The following KLHL2 variants were observed in gnomAD, a reference collection of about 807,000 sequenced individuals.
KLHL2 encodes kelch-like protein 2.
Under a neutral mutation model 75.8 loss-of-function variants are expected in KLHL2, and 15 were observed. The observed-to-expected ratio is 0.20, with a 90% CI of 0.13 to 0.30. The LOEUF (loss-of-function observed/expected upper bound fraction) is 0.30, where lower values mean the gene tolerates loss of function less well. KLHL2 is among the 10% of genes least tolerant of loss of function. The pLI is 1.00. For missense variants in KLHL2, 381 were observed against 741.0 expected (o/e 0.51, Z 5.64); for synonymous variants, 214 against 251.9 (o/e 0.85, Z 1.42).
chr4:165,251,917 G>GT (rs1366276850), intron 4 of KLHL2, among the ~76,000 whole-genome samples: 1 of 152,170 alleles, frequency 6.6e-6, no homozygotes, highest in Non-Finnish European at 1.5e-5. Context: ...CCCCAAAGTG[G>GT]TTTTTAAAAA....
intron 3 of KLHL2, among the ~76,000 whole-genome samples, chr4:165,236,503 C>T (rs751278211): frequency 1.1e-3 from 163 of 152,236 alleles, no homozygotes; most frequent in Non-Finnish European, 1.4e-3. Flanking sequence ...AGGAGTGAGC[C>T]ACAGCACCTG....
chr4:165,222,686 T>TA (rs998140348), intron 2 of KLHL2, among the ~76,000 whole-genome samples: 110 of 151,862 alleles, frequency 7.2e-4, no homozygotes, highest in African/African-American at 2.4e-3. Context: ...AGTAATTCTT[T>TA]AAAAAAAAAT....
At chr4:165,297,904 AC>A (rs1240017243) in intron 7 of KLHL2, among the ~76,000 whole-genome samples, 179 bp downstream of exon 7, 1 of 152,020 alleles carries the variant, frequency 6.6e-6, no homozygotes, top group Non-Finnish European at 1.5e-5. Flanking sequence ...GCTCTCCGCA[AC>A]CTCCACCTCC....
At chr4:165,240,031 A>G (rs1472572722) in intron 4 of KLHL2, among the ~76,000 whole-genome samples, 4 of 152,222 alleles carry the variant, frequency 2.6e-5, no homozygotes, top group Non-Finnish European at 4.4e-5. Context: ...AAACAGTGCA[A>G]TGAGTGAACA....
chr4:165,248,670 T>TA (rs1478676833), intron 4 of KLHL2, among the ~76,000 whole-genome samples: 3 of 152,186 alleles, frequency 2.0e-5, no homozygotes, highest in Non-Finnish European at 2.9e-5. Context: ...AGAGAAAAAT[T>TA]AGAGACAAGA....
rs191955094 is a variant in KLHL2 at position 165,301,512 on chromosome 4, G to C, written c.921+1856G>C. On this transcript the variant is annotated intron_variant, in intron 8 of 14. Coordinates refer to ENST00000226725, the MANE Select transcript of KLHL2 (RefSeq NM_007246.4). ...CCTCAGTATTCATGCCAGGTCTGCTGATTTTATATGTGTTTACATTTTTCA... is the reference window on the plus strand; with the variant it reads ...CCTCAGTATTCATGCCAGGTCTGCTCATTTTATATGTGTTTACATTTTTCA... Among the ~76,000 whole-genome samples the C allele has an allele frequency of 2.0e-5, 3 of 152,224 alleles. No homozygotes were observed. In the East Asian group the frequency reaches 5.8e-4, roughly 29 times the overall value.
In KLHL2 at chr4:165,213,399, T is replaced by C. The variant is rs35180362; in HGVS notation, c.26+5497T>C. Among the ~76,000 whole-genome samples the C allele has an allele frequency of 2.0e-5, 3 of 151,324 alleles. No individual in the cohort carries two copies. The East Asian group carries it at 5.8e-4, about 29-fold the overall frequency. On this transcript the variant is annotated intron_variant, in intron 1 of 14. Transcript: ENST00000226725. ...TTATCCTATATATCCAAGATCATCA[T>C]GTGCTTTTAAAACTCTCCCTTGTCC...
At chr4:165,235,382 G>T (rs1739253351) in intron 3 of KLHL2, among the ~76,000 whole-genome samples, 1 of 152,090 alleles carries the variant, frequency 6.6e-6, no homozygotes, top group Admixed American at 6.6e-5. Context: ...TGTATTTTTA[G>T]TAGAGATAGG....
At position 165,207,863 on chromosome 4, in the gene KLHL2, C is replaced by G. The variant is rs765056606; in HGVS notation, c.-14C>G. 2 of 1,450,502 alleles carry G rather than the reference C, an allele frequency of 1.4e-6. No homozygotes were observed. The highest frequency in any genetic ancestry group is 1.3e-5 in the South Asian group (1 of 77,148). The allele number at this position is 1,450,502 out of a possible 1,614,324, so 89.9% of individuals were successfully genotyped here. On this transcript the variant is annotated 5_prime_UTR_variant, in exon 1 of 15. Coordinates refer to ENST00000226725, the MANE Select transcript of KLHL2 (RefSeq NM_007246.4). This position sits in a 1 kb window ranked among gnomAD's most constrained non-coding sequence, Gnocchi z 4.2. ...TGGTCGGTGCCTGCGTTCTGAAGCC[C>G]GAGAGGAGCCACAATGGAGACGCCG...
intron 4 of KLHL2, among the ~76,000 whole-genome samples, chr4:165,253,663 C>T (rs1318794655): frequency 2.0e-5 from 3 of 152,158 alleles, no homozygotes; most frequent in Non-Finnish European, 2.9e-5. Context: ...CATTTATAAC[C>T]TCAGGTCTCT....
intron 5 of KLHL2, among the ~76,000 whole-genome samples, chr4:165,264,605 T>TACAC (rs1553957952): frequency 2.4e-5 from 3 of 124,128 alleles, no homozygotes; most frequent in African/African-American, 9.3e-5. Context: ...TATATATATA[T>TACAC]ACACACACAC....
intron 4 of KLHL2, among the ~76,000 whole-genome samples, chr4:165,262,815 G>A (rs1298858829): frequency 1.3e-5 from 2 of 152,142 alleles, no homozygotes; most frequent in Non-Finnish European, 2.9e-5. Flanking sequence ...CTGAACTCAA[G>A]CGATCCTCCT....
chr4:165,223,596 G>T (rs188287641), intron 2 of KLHL2, among the ~76,000 whole-genome samples: 1 of 152,204 alleles, frequency 6.6e-6, no homozygotes, highest in Non-Finnish European at 1.5e-5. Flanking sequence ...CAGAATTGTG[G>T]CAGGCTTGAA....
At chr4:165,320,960 G>A (rs895184355) in intron 14 of KLHL2, among the ~76,000 whole-genome samples, 1 of 152,180 alleles carries the variant, frequency 6.6e-6, no homozygotes, top group African/African-American at 2.4e-5. Flanking sequence ...AGACAATGAA[G>A]AAGATGTAGA....
At position 165,207,958 on chromosome 4, in the gene KLHL2, C is replaced by A; in HGVS notation, c.26+56C>A. 7.9e-7 allele frequency: 1 copy of A among 1,259,026 alleles called. No individual in the cohort carries two copies. Among genetic ancestry groups the A allele is most frequent in the African/African-American group, 1.6e-5 (1 of 61,968 alleles). The allele number at this position is 1,259,026 out of a possible 1,614,324, so 78.0% of individuals were successfully genotyped here. On this transcript the variant is annotated intron_variant, in intron 1 of 14. Transcript: ENST00000226725. The surrounding 1 kb of genome is among the most constrained non-coding windows in gnomAD (Gnocchi z 4.2). ...TGCGGATAAGCGCGCCGCTGCGGCG[C>A]GTGTCGCCGGCCGCGGGCGCAGCTC... is the stretch of plus-strand genomic sequence containing the variant.
At chr4:165,302,097 C>G (rs1397621558) in intron 8 of KLHL2, among the ~76,000 whole-genome samples, 2 of 152,148 alleles carry the variant, frequency 1.3e-5, no homozygotes, top group Admixed American at 6.5e-5. Flanking sequence ...CCTGGAGGTT[C>G]TCTTTCATTC....
intron 4 of KLHL2, among the ~76,000 whole-genome samples, chr4:165,260,575 T>G (rs957955875): frequency 2.7e-4 from 40 of 149,052 alleles, no homozygotes; most frequent in African/African-American, 9.0e-4. Context: ...TATGTGTGTG[T>G]GTGGGGGGGG....
intron 4 of KLHL2, among the ~76,000 whole-genome samples, chr4:165,256,614 A>G (rs1395766458): frequency 6.6e-6 from 1 of 152,246 alleles, no homozygotes; most frequent in Non-Finnish European, 1.5e-5. Flanking sequence ...AACCCTTGTT[A>G]TATTTGCTAG....
chr4:165,293,670 A>AT (rs35736944), intron 5 of KLHL2, among the ~76,000 whole-genome samples: 44,270 of 125,858 alleles, frequency 0.35, 8,183 homozygotes, highest in South Asian at 0.53. Context: ...TGCCTGGCTA[A>AT]TTTTTTTTTT....
Sources: gnomAD v4.1 joint callset for allele counts (sites outside exome capture counted in the v4.1 genomes callset) on GRCh38, gnomAD v4.1.1 for gene constraint, Gnocchi (gnomAD v3.1) non-coding constraint, MANE v1.5 for transcripts, NCBI Gene and HGNC (gene_info 2026-07-23, HGNC 2026-07-21) for gene names.